Variants in CAGE1 observed in about 807,000 individuals in gnomAD.
The protein encoded by CAGE1 is cancer antigen 1, also known as cancer-associated gene 1 protein.
In CAGE1, 66 loss-of-function variants were observed where a neutral mutation model predicts 94.9. The observed-to-expected ratio is 0.70, with a 90% CI of 0.57 to 0.85. The LOEUF is 0.85. CAGE1 is among the 40% of genes least tolerant of loss of function. The pLI is 0.00. For synonymous variants in CAGE1, 319 were observed against 321.0 expected, an observed-to-expected ratio of 0.99 and a Z score of 0.07; for missense variants, 865 against 950.4, an observed-to-expected ratio of 0.91 and a Z score of 1.18.
chr6:7,361,821 T>C (rs570382184), intron 9 of CAGE1, among the ~76,000 whole-genome samples: 36 of 152,348 alleles, frequency 2.4e-4, no homozygotes, highest in African/African-American at 7.9e-4. Flanking sequence ...TTGACATCTA[T>C]GTAAACTAAG....
At chr6:7,328,551 A>G (rs964376855) in intron 13 of CAGE1, among the ~76,000 whole-genome samples, 1 of 152,154 alleles carries the variant, frequency 6.6e-6, no homozygotes, top group Non-Finnish European at 1.5e-5. Context: ...CACAGAAATG[A>G]CATACCATGC....
chr6:7,378,296 T>C (rs886856494), intron 4 of CAGE1, among the ~76,000 whole-genome samples: 3 of 152,188 alleles, frequency 2.0e-5, no homozygotes, highest in Non-Finnish European at 4.4e-5. Context: ...CTTAGAGAAA[T>C]TACCATTTGG....
chr6:7,367,739 A>G (rs1760401589), intron 7 of CAGE1, among the ~76,000 whole-genome samples: 2 of 152,224 alleles, frequency 1.3e-5, no homozygotes, highest in South Asian at 4.1e-4. Context: ...GCAACACGTC[A>G]GTTCAGATAA....
At chr6:7,385,941 ATT>A in intron 2 of CAGE1, 69 bp from the exon 3 acceptor site, 4 of 778,862 alleles carry the variant, frequency 5.1e-6, no homozygotes, top group South Asian at 1.9e-5. Flanking sequence ...GTATTTGCAC[ATT>A]GTTACATAAT....
chr6:7,338,718 C>T (rs1024297165), intron 11 of CAGE1: 75 of 654,948 alleles, frequency 1.1e-4, no homozygotes, highest in Non-Finnish European at 1.8e-4. Context: ...TCCACTCTTT[C>T]CCCCAAGTCC....
At chr6:7,382,147 C>G (rs1212840131) in intron 3 of CAGE1, among the ~76,000 whole-genome samples, 1 of 151,330 alleles carries the variant, frequency 6.6e-6, no homozygotes, top group Non-Finnish European at 1.5e-5. Context: ...CATTATGTGC[C>G]TTTTTCTAAG....
In CAGE1 at chr6:7,356,040, G is replaced by T; in HGVS notation, c.2283C>A (p.Gly761=). 6.5e-7 allele frequency: 1 copy of T among 1,534,464 alleles called. No homozygotes were observed. The highest frequency in any genetic ancestry group is 1.7e-4 in the Middle Eastern group (1 of 5,958). The change falls in exon 10 of 14, where the codon GGC becomes GGA. Residue 761 remains glycine (G), a synonymous_variant. Transcript: ENST00000502583. ...EENDKYQRHL[G]NLIKKVTSYE... is the part of the protein sequence containing the mutation. ...AAATGTCTACCTTCTTTATTAAGTT[G>T]CCTAAATGTCTTTGATACTTGTCAT...
At position 7,389,675 on chromosome 6, in the gene CAGE1, A is replaced by G; in HGVS notation, c.-497T>C. 1 of 432,420 alleles carries G rather than the reference A, an allele frequency of 2.3e-6. No individual in the cohort carries two copies. The allele number at this position is 432,420 out of a possible 1,614,324, so 26.8% of individuals were successfully genotyped here. A position where few individuals can be genotyped will look rare whatever the true frequency, so the allele number is the denominator to read the frequency against. On this transcript the variant is annotated 5_prime_UTR_variant, in exon 1 of 14. Transcript: ENST00000502583. ...CAGCACGGGCCTCGCCGTGCCGGCT[A>G]CTCAACACGCCTTCCTGAGAGCACA...
chr6:7,381,112 T>C (rs143036938), intron 3 of CAGE1, among the ~76,000 whole-genome samples: 1,964 of 152,352 alleles, frequency 0.013, 40 homozygotes, highest in African/African-American at 0.045. Flanking sequence ...TGTTGTATAC[T>C]GTTATGGGCT....
intron 11 of CAGE1, chr6:7,341,468 G>T: frequency 8.8e-7 from 1 of 1,136,982 alleles, no homozygotes; most frequent in Non-Finnish European, 1.3e-6. Context: ...ATACCTCTTG[G>T]CAAATTCCAG....
Position 7,373,180 on chromosome 6 carries a change from G to A in CAGE1, c.1639C>T (p.Leu547Phe), listed in dbSNP as rs1256245689. ...INEVKNENAK[L>F]KQQVARSEEQ... ...TCACTCCTTGCAACCTGCTGTTTAA[G>A]TTTTGCATTCTCATTTTTTACTTCG... Residue 547 changes from leucine to phenylalanine, a missense_variant, in exon 5 of 14, where the codon CTT (leucine) becomes TTT (phenylalanine). Coordinates refer to ENST00000502583, the MANE Select transcript of CAGE1 (RefSeq NM_001170692.2). 2.5e-6 allele frequency: 4 copies of A among 1,613,614 alleles called. No individual in the cohort carries two copies. In the African/African-American group the frequency reaches 5.3e-5, roughly 22 times the overall value.
chr6:7,374,536 C>CTTTTTTTTTTTTTT (rs67377444), intron 4 of CAGE1, among the ~76,000 whole-genome samples: 1 of 150,056 alleles, frequency 6.7e-6, no homozygotes. Context: ...CAAGTTCTCT[C>CTTTTTTTTTTTTTT]TCTTTTTTTT....
intron 6 of CAGE1, among the ~76,000 whole-genome samples, chr6:7,369,420 C>G (rs556957487): frequency 6.6e-6 from 1 of 152,294 alleles, no homozygotes; most frequent in African/African-American, 2.4e-5. Flanking sequence ...AGTTAGGTTA[C>G]TTGGTCAAGT....
chr6:7,356,803 A>G (rs1759969364), intron 9 of CAGE1, among the ~76,000 whole-genome samples: 1 of 152,104 alleles, frequency 6.6e-6, no homozygotes, highest in Non-Finnish European at 1.5e-5. Context: ...ATGTTTTATT[A>G]TTTATTTATT....
chr6:7,363,063 G>A (rs1490376399), intron 9 of CAGE1, among the ~76,000 whole-genome samples: 1 of 152,212 alleles, frequency 6.6e-6, no homozygotes, highest in African/African-American at 2.4e-5. Flanking sequence ...GAGCTCAGGA[G>A]TTCGTGACTA....
intron 9 of CAGE1, among the ~76,000 whole-genome samples, chr6:7,364,572 G>A (rs375861817): frequency 6.6e-6 from 1 of 152,072 alleles, no homozygotes. Flanking sequence ...GAGTTCAAGC[G>A]ATTCTCCTGC....
rs548486728 is a variant in CAGE1 at position 7,338,948 on chromosome 6, G to A, written c.2370-4858C>T. ...CATCTTTGGGTTCCACGATGCTCAC[G>A]TGGTCAGGCAGGGGCTTCTTAGGGC... On this transcript the variant is annotated intron_variant, in intron 11 of 13. Coordinates refer to ENST00000502583, the MANE Select transcript of CAGE1 (RefSeq NM_001170692.2). 137 of 1,608,724 alleles carry A rather than the reference G, an allele frequency of 8.5e-5. 1 individual carries two copies. In the African/African-American group the frequency reaches 1.3e-3, roughly 15 times the overall value.
chr6:7,363,769 C>A (rs533764628), intron 9 of CAGE1, among the ~76,000 whole-genome samples: 1 of 152,162 alleles, frequency 6.6e-6, no homozygotes, highest in East Asian at 1.9e-4. Flanking sequence ...TCGGTGTGTT[C>A]AAGTATTGGT....
At chr6:7,335,218 A>G (rs529031827) in intron 11 of CAGE1, among the ~76,000 whole-genome samples, 2 of 152,290 alleles carry the variant, frequency 1.3e-5, no homozygotes, top group Admixed American at 1.3e-4. Flanking sequence ...AGATAATCCA[A>G]AATAATCTCC....
Sources: gnomAD v4.1 joint callset for allele counts (sites outside exome capture counted in the v4.1 genomes callset) on GRCh38, gnomAD v4.1.1 for gene constraint, MANE v1.5 for transcripts, NCBI Gene and HGNC (gene_info 2026-07-23, HGNC 2026-07-21) for gene names.